RTN1: variants seen among roughly 807,000 people sequenced by gnomAD.
The protein encoded by RTN1 is reticulon-1.
Under a neutral mutation model 65.5 loss-of-function variants are expected in RTN1, and 25 were observed. The observed-to-expected ratio is 0.38, with a 90% CI of 0.28 to 0.53. The LOEUF is 0.53. Among genes scored for constraint, RTN1 ranks in the 20% least tolerant of loss-of-function variants. The probability of loss-of-function intolerance (pLI) is 0.79; values close to 1 mark genes in which losing one functional copy is unlikely to be tolerated. For missense variants in RTN1, 983 were observed against 1,025.4 expected, an observed-to-expected ratio of 0.96 and a Z score of 0.57; for synonymous variants, 471 against 447.6, an observed-to-expected ratio of 1.05 and a Z score of -0.66.
At chr14:59,819,408 ACCACCACCCCCCCCCCAC>A (rs1566737417) in intron 1 of RTN1, among the ~76,000 whole-genome samples, 1 of 18,756 alleles carries the variant, frequency 5.3e-5, no homozygotes, top group Non-Finnish European at 8.9e-5. Context: ...CATCCACACC[ACCACCACCCCCCCCCCAC>A]CCCCCACCCC....
At chr14:59,750,402 TATATTATATGTATAA>T (rs1885467429) in intron 1 of RTN1, among the ~76,000 whole-genome samples, 2 of 66,122 alleles carry the variant, frequency 3.0e-5, no homozygotes, top group African/African-American at 1.2e-4. Flanking sequence ...CTATAATATA[TATATTATATGTATAA>T]TATATAATAT....
intron 1 of RTN1, among the ~76,000 whole-genome samples, chr14:59,784,765 G>A (rs1422309801): frequency 6.6e-6 from 1 of 152,088 alleles, no homozygotes; most frequent in Non-Finnish European, 1.5e-5. Flanking sequence ...CATATTTTAT[G>A]TTGTAGTTAA....
At chr14:59,758,147 T>C (rs1274495809) in intron 1 of RTN1, among the ~76,000 whole-genome samples, 1 of 152,176 alleles carries the variant, frequency 6.6e-6, no homozygotes, top group South Asian at 2.1e-4. Context: ...ATTCTTTTTA[T>C]AGCTTTCTTT....
At chr14:59,843,645 C>T (rs1399863797) in intron 1 of RTN1, among the ~76,000 whole-genome samples, 3 of 152,124 alleles carry the variant, frequency 2.0e-5, no homozygotes, top group Non-Finnish European at 4.4e-5. Flanking sequence ...TAAAAAGGAA[C>T]GCACACGTGA....
chr14:59,618,369 A>C (rs1250687806), intron 3 of RTN1, among the ~76,000 whole-genome samples: 1 of 152,178 alleles, frequency 6.6e-6, no homozygotes, highest in African/African-American at 2.4e-5. Context: ...TAGATCAATA[A>C]ACTGGCTCAT....
chr14:59,759,015 A>G (rs1180638777), intron 1 of RTN1, among the ~76,000 whole-genome samples: 4 of 152,206 alleles, frequency 2.6e-5, no homozygotes. Flanking sequence ...ATGCAGTAGA[A>G]GTGATGCTGG....
chr14:59,761,550 C>T (rs1885748586), intron 1 of RTN1, among the ~76,000 whole-genome samples: 1 of 152,154 alleles, frequency 6.6e-6, no homozygotes, highest in Non-Finnish European at 1.5e-5. Context: ...TCAGGTATGT[C>T]CTTATTAGCA....
At chr14:59,762,399 A>C (rs1885767491) in intron 1 of RTN1, among the ~76,000 whole-genome samples, 1 of 152,198 alleles carries the variant, frequency 6.6e-6, no homozygotes, top group Non-Finnish European at 1.5e-5. Context: ...TTCATGCTTT[A>C]ACAGTCTATA....
intron 5 of RTN1, 30 bp downstream of exon 5, chr14:59,605,338 C>T: frequency 6.2e-7 from 1 of 1,603,612 alleles, no homozygotes; most frequent in Non-Finnish European, 8.5e-7. Flanking sequence ...ACAGTCAAGA[C>T]TGTGAAGTGA....
At chr14:59,808,934 C>A (rs1886683159) in intron 1 of RTN1, among the ~76,000 whole-genome samples, 1 of 152,128 alleles carries the variant, frequency 6.6e-6, no homozygotes, top group Non-Finnish European at 1.5e-5. Flanking sequence ...CAGCATCATG[C>A]TTCCTGTATA....
Position 59,836,860 on chromosome 14 carries a change from C to T in RTN1, c.241+33530G>A, listed in dbSNP as rs1170692481. ...GAGTGAAGAGGGAGAAATTACAGAA[C>T]CTATGTTATAAAAGCTGTCAAACTC... On this transcript the variant is annotated intron_variant, in intron 1 of 8. Transcript: ENST00000267484. The surrounding 1 kb of genome is among the most constrained non-coding windows in gnomAD (Gnocchi z 4.9). Among the ~76,000 whole-genome samples the T allele has an allele frequency of 1.3e-5, 2 of 152,012 alleles. No homozygotes were observed. Among genetic ancestry groups the T allele is most frequent in the African/African-American group, 2.4e-5 (1 of 41,376 alleles).
intron 1 of RTN1, among the ~76,000 whole-genome samples, chr14:59,824,260 A>C (rs954535278): frequency 1.5e-4 from 23 of 152,352 alleles, no homozygotes; most frequent in African/African-American, 5.3e-4. Flanking sequence ...AAACTTGATG[A>C]AATGATTGAA....
chr14:59,674,200 C>A (rs1883571687), intron 3 of RTN1, among the ~76,000 whole-genome samples: 1 of 152,104 alleles, frequency 6.6e-6, no homozygotes, highest in Non-Finnish European at 1.5e-5. Context: ...AAAGTTATAC[C>A]TCTATGGCAG....
chr14:59,758,611 TCAATGTTTTCTCCATCTCCACCC>T (rs1885687393), intron 1 of RTN1, among the ~76,000 whole-genome samples: 1 of 152,200 alleles, frequency 6.6e-6, no homozygotes, highest in African/African-American at 2.4e-5. Flanking sequence ...ACCCCACTCC[TCAATGTTTTCTCCATCTCCACCC>T]CAAGGGTCAT....
chr14:59,743,962 G>A (rs898626406), intron 2 of RTN1, among the ~76,000 whole-genome samples: 2 of 152,166 alleles, frequency 1.3e-5, no homozygotes, highest in African/African-American at 2.4e-5. Context: ...CCAAAAGAAA[G>A]TATGTAGAAA....
intron 3 of RTN1, among the ~76,000 whole-genome samples, chr14:59,724,547 C>T (rs73311566): frequency 0.015 from 2,309 of 152,282 alleles, 62 homozygotes; most frequent in African/African-American, 0.053. Context: ...TGAGCACAAA[C>T]CTGCTGTCCA....
chr14:59,720,653 T>G (rs1170425888), intron 3 of RTN1, among the ~76,000 whole-genome samples: 1 of 148,222 alleles, frequency 6.7e-6, no homozygotes, highest in African/African-American at 2.5e-5. Flanking sequence ...AACCTGGGAG[T>G]GGAGGTTTCG....
chr14:59,636,657 A>G (rs1036849394), intron 3 of RTN1, among the ~76,000 whole-genome samples: 5 of 152,222 alleles, frequency 3.3e-5, no homozygotes, highest in African/African-American at 9.7e-5. Context: ...TTTTATGCAC[A>G]TAGAGGCATA....
rs182149915 is a variant in RTN1 at position 59,719,324 on chromosome 14, G to T, written c.1765+7595C>A. ...GTCTCTGGCCTTTGCATTTTATATT[G>T]TCTGGAACTTGCTTTAACCAGCTCT... On this transcript the variant is annotated intron_variant, in intron 3 of 8. Coordinates refer to ENST00000267484, the MANE Select transcript of RTN1 (RefSeq NM_021136.3). Among the ~76,000 whole-genome samples, 50 of 152,212 alleles carry T rather than the reference G, an allele frequency of 3.3e-4. 1 individual carries two copies. In the Middle Eastern group the frequency reaches 0.01, roughly 31 times the overall value.
Sources: gnomAD v4.1 joint callset for allele counts (sites outside exome capture counted in the v4.1 genomes callset) on GRCh38, gnomAD v4.1.1 for gene constraint, Gnocchi (gnomAD v3.1) non-coding constraint, MANE v1.5 for transcripts, NCBI Gene and HGNC (gene_info 2026-07-23, HGNC 2026-07-21) for gene names.